The following B3GALNT2 variants were observed in gnomAD, a reference collection of about 807,000 sequenced individuals.
B3GALNT2 encodes UDP-GalNAc:beta-1,3-N-acetylgalactosaminyltransferase 2.
Under a neutral mutation model 61.1 loss-of-function variants are expected in B3GALNT2, and 53 were observed. The ratio of observed to expected loss-of-function variants is 0.87; its 90% CI spans 0.70 to 1.09. The LOEUF is 1.09. Among genes scored for constraint, B3GALNT2 ranks in the 50% least tolerant of loss-of-function variants. The pLI is 0.00. For missense variants in B3GALNT2, 544 were observed against 623.0 expected (o/e 0.87, Z 1.35); for synonymous variants, 223 against 237.4 (o/e 0.94, Z 0.56).
chr1:235,450,463 C>T (rs1002057265), intron 11 of B3GALNT2, 123 bp from the exon 12 acceptor site: 14 of 1,242,910 alleles, frequency 1.1e-5, no homozygotes, highest in Non-Finnish European at 1.5e-5. Flanking sequence ...AGGATAACTC[C>T]GTGTGTGGAA....
the B3GALNT2 span, chr1:235,441,908 T>G: frequency 6.2e-7 from 1 of 1,603,868 alleles, no homozygotes; most frequent in Non-Finnish European, 8.5e-7. Flanking sequence ...TCAAATAGTT[T>G]ATTTGTATTT....
In B3GALNT2 at chr1:235,494,668, T is replaced by G. The variant is rs1473340027; in HGVS notation, c.260+13A>C. The G allele has an allele frequency of 6.2e-7, 1 of 1,607,346 alleles. No homozygotes were observed. The highest frequency in any genetic ancestry group is 2.2e-5 in the East Asian group (1 of 44,562). ...TCAATAAACCAGGCAAGGCAACAAC[T>G]CAGAAAACCTACCGTTGACTTAATG... On this transcript the variant is annotated intron_variant, in intron 2 of 11. Coordinates refer to ENST00000366600, the MANE Select transcript of B3GALNT2 (RefSeq NM_152490.5).
intron 4 of B3GALNT2, among the ~76,000 whole-genome samples, chr1:235,481,400 G>A (rs1393245833): frequency 6.6e-6 from 1 of 152,170 alleles, no homozygotes; most frequent in African/African-American, 2.4e-5. Flanking sequence ...AGTGAGTGGT[G>A]CAATCACGGC....
chr1:235,484,504 C>T lies in B3GALNT2; in HGVS notation c.373G>A (p.Glu125Lys). The change falls in exon 4 of 12, where the codon GAA (glutamate) becomes AAA (lysine). Residue 125 changes from glutamate to lysine, a missense_variant. Physicochemically the swap from Glu to Lys is moderately conservative, Grantham distance 56 (BLOSUM62 1). Coordinates refer to ENST00000366600, the MANE Select transcript of B3GALNT2 (RefSeq NM_152490.5). ...TCGGACAGACTGAACGCTTCAATTT[C>T]CTGATTCAAAACTAAGTAATGAGAA... ...LNITNPVLNQ[E>K]IEAFSLSEDT... 6.2e-7 allele frequency: 1 copy of T among 1,613,838 alleles called. No individual in the cohort carries two copies. Among genetic ancestry groups the T allele is most frequent in the Non-Finnish European group, 8.5e-7 (1 of 1,179,924 alleles).
Position 235,484,361 on chromosome 1 carries a change from C to T in B3GALNT2, c.516G>A (p.Gln172=). Residue 172 remains glutamine (Q), a synonymous_variant, in exon 4 of 12, where the codon CAG becomes CAA. Coordinates refer to ENST00000366600, the MANE Select transcript of B3GALNT2 (RefSeq NM_152490.5). The part of the protein sequence containing the change: ...VFYDANDVGF[Q]RNITVKLYQA... ...GATAAAGTTTGACAGTGATGTTCCT[C>T]TGGAAACCCACATCATTGGCATCGT... The T allele has an allele frequency of 6.2e-7, 1 of 1,614,198 alleles. No individual in the cohort carries two copies. The highest frequency in any genetic ancestry group is 8.5e-7 in the Non-Finnish European group (1 of 1,180,016).
In B3GALNT2 at chr1:235,484,519, A is replaced by C. The variant is rs527882930; in HGVS notation, c.362-4T>G. ...GCTTCAATTTCCTGATTCAAAACTA[A>C]GTAATGAGAACAGGTTTATATAACT... On this transcript the variant is annotated splice_region_variant and splice_polypyrimidine_tract_variant and intron_variant, in intron 3 of 11. Coordinates refer to ENST00000366600, the MANE Select transcript of B3GALNT2 (RefSeq NM_152490.5). 1.2e-6 allele frequency: 2 copies of C among 1,613,848 alleles called. No homozygotes were observed. Among genetic ancestry groups the C allele is most frequent in the African/African-American group, 2.7e-5 (2 of 75,062 alleles).
Position 235,449,226 on chromosome 1 carries a change from C to CTATT in B3GALNT2, c.*976_*979dup. The CTATT allele has an allele frequency of 1.1e-5, 2 of 189,238 alleles. No individual in the cohort carries two copies. The highest frequency in any genetic ancestry group is 2.6e-3 in the Middle Eastern group (1 of 378). 11.7% of individuals were successfully genotyped at this position (189,238 alleles called of 1,614,324 possible). A position where few individuals can be genotyped will look rare whatever the true frequency, so the allele number is the denominator to read the frequency against. ...ATCCTCTACTATGTATAACAATATG[C>CTATT]TATTATCTGTCTTCTCAGTTGCACT... On this transcript the variant is annotated 3_prime_UTR_variant, in exon 12 of 12. Transcript: ENST00000366600.
At chr1:235,502,259 C>A (rs1217802149) in intron 1 of B3GALNT2, among the ~76,000 whole-genome samples, 2 of 152,186 alleles carry the variant, frequency 1.3e-5, no homozygotes, top group African/African-American at 4.8e-5. Context: ...GTGATCCACC[C>A]ACCACGGCCT....
rs193222855 is a variant in B3GALNT2, at chr1:235,490,669, A to C, written c.261-1401T>G. 1.9e-3 allele frequency among the ~76,000 whole-genome samples: 290 copies of C among 152,292 alleles called. 2 individuals carry two copies. Among genetic ancestry groups the C allele is most frequent in the African/African-American group, 6.7e-3 (278 of 41,568 alleles). On this transcript the variant is annotated intron_variant, in intron 2 of 11. Transcript: ENST00000366600. ...TGGGAGCCAACTGTCAACTTTTCAG[A>C]AATTTTGTGAGACGGTTATTAAACA...
In B3GALNT2 at chr1:235,460,654, G is replaced by C. The variant is rs1292316294; in HGVS notation, c.842-1868C>G. On this transcript the variant is annotated intron_variant, in intron 7 of 11. Coordinates refer to ENST00000366600, the MANE Select transcript of B3GALNT2 (RefSeq NM_152490.5). ...AGTGGTGTAATTATAGCTTACTGCA[G>C]CCTCAACTTCCTGGGCTCAAGTGAT... 3.3e-5 allele frequency among the ~76,000 whole-genome samples: 5 copies of C among 151,264 alleles called. No homozygotes were observed. In the East Asian group the frequency reaches 9.7e-4, roughly 29 times the overall value.
intron 3 of B3GALNT2, among the ~76,000 whole-genome samples, chr1:235,486,365 G>C (rs1164781162): frequency 1.3e-5 from 2 of 152,152 alleles, no homozygotes; most frequent in East Asian, 3.8e-4. Flanking sequence ...GTAAATAACA[G>C]ATATCCATAG....
intron 1 of B3GALNT2, among the ~76,000 whole-genome samples, chr1:235,502,770 G>A (rs1323408107): frequency 1.3e-5 from 2 of 152,138 alleles, no homozygotes; most frequent in Non-Finnish European, 2.9e-5. Flanking sequence ...ACTTAATGAC[G>A]CTCTACAAGG....
chr1:235,476,419 C>T (rs1201942904), intron 5 of B3GALNT2, among the ~76,000 whole-genome samples: 1 of 150,554 alleles, frequency 6.6e-6, no homozygotes, highest in Non-Finnish European at 1.5e-5. Flanking sequence ...TCTAAACAAA[C>T]AAACAAACAA....
chr1:235,466,230 C>CT (rs57389033), intron 6 of B3GALNT2, among the ~76,000 whole-genome samples: 1,408 of 134,492 alleles, frequency 0.01, 20 homozygotes, highest in African/African-American at 0.033. Flanking sequence ...TTTAATTTTT[C>CT]TTTTTTTTTT....
intron 7 of B3GALNT2, among the ~76,000 whole-genome samples, chr1:235,459,010 A>C (rs1329593682): frequency 6.6e-6 from 1 of 152,186 alleles, no homozygotes. Flanking sequence ...TAGGCTGAAA[A>C]TGTGTACACC....
chr1:235,463,310 A>C (rs1683517587), intron 7 of B3GALNT2: 2 of 152,204 alleles, frequency 1.3e-5, no homozygotes, highest in Non-Finnish European at 2.9e-5. Flanking sequence ...CCAAAATCTC[A>C]GAAATCACCG....
At chr1:235,463,128 T>C (rs182259397) in intron 7 of B3GALNT2, among the ~76,000 whole-genome samples, 24 of 152,168 alleles carry the variant, frequency 1.6e-4, no homozygotes, top group Admixed American at 7.8e-4. Flanking sequence ...AACTCAGGAA[T>C]GGAAATCCAA....
chr1:235,491,295 G>T (rs776191279), intron 2 of B3GALNT2, among the ~76,000 whole-genome samples: 1 of 152,158 alleles, frequency 6.6e-6, no homozygotes, highest in Admixed American at 6.5e-5. Context: ...TCATAGATAG[G>T]AGAGTCTGAC....
Position 235,504,386 on chromosome 1 carries a change from CT to C in B3GALNT2, c.-135del. On this transcript the variant is annotated 5_prime_UTR_variant, in exon 1 of 12. Transcript: ENST00000366600. ...CGCCCGCCCTCGCGCTCGGCGACGTCTGGGGGGCTCCTCGCAGCTCCCGGCC... is the reference window on the plus strand; with the variant it reads ...CGCCCGCCCTCGCGCTCGGCGACGTCGGGGGGCTCCTCGCAGCTCCCGGCC... 3.9e-6 allele frequency: 4 copies of C among 1,023,038 alleles called. No individual in the cohort carries two copies. The highest frequency in any genetic ancestry group is 5.3e-6 in the Non-Finnish European group (4 of 760,584). The allele number at this position is 1,023,038 out of a possible 1,614,324, so 63.4% of individuals were successfully genotyped here. A position where few individuals can be genotyped will look rare whatever the true frequency, so the allele number is the denominator to read the frequency against.
Sources: gnomAD v4.1 joint callset for allele counts (sites outside exome capture counted in the v4.1 genomes callset) on GRCh38, gnomAD v4.1.1 for gene constraint, MANE v1.5 for transcripts, NCBI Gene and HGNC (gene_info 2026-07-23, HGNC 2026-07-21) for gene names.